CLVS1: variants seen among roughly 807,000 people sequenced by gnomAD.
The protein encoded by CLVS1 is clavesin-1.
A neutral mutation model predicts 33.1 loss-of-function variants in CLVS1; 10 were observed. That is an observed-to-expected ratio of 0.30 (90% confidence interval 0.19 to 0.51). The LOEUF is 0.51. CLVS1 is among the 20% of genes least tolerant of loss of function. CLVS1 has a pLI of 0.97. For synonymous variants in CLVS1, 163 were observed against 166.1 expected (o/e 0.98, Z 0.14); for missense variants, 343 against 433.4 (o/e 0.79, Z 1.85).
the CLVS1 span, among the ~76,000 whole-genome samples, chr8:61,044,549 C>T: frequency 2.6e-5 from 4 of 152,166 alleles, no homozygotes; most frequent in South Asian, 4.1e-4. Flanking sequence ...GCACTGATGT[C>T]TTTCCCTCAT....
chr8:61,396,695 T>C (rs1190306739), intron 3 of CLVS1, among the ~76,000 whole-genome samples: 2 of 152,172 alleles, frequency 1.3e-5, no homozygotes, highest in African/African-American at 4.8e-5. Flanking sequence ...CGTTTATTAC[T>C]CTCTGCTTTT....
chr8:61,306,547 C>T (rs746013375), intron 2 of CLVS1, among the ~76,000 whole-genome samples: 3 of 152,186 alleles, frequency 2.0e-5, no homozygotes, highest in Non-Finnish European at 2.9e-5. Context: ...ACCCATTCAT[C>T]TGATGATGAG....
chr8:61,132,648 A>G (rs935907107), intron 2 of CLVS1, among the ~76,000 whole-genome samples: 1 of 152,192 alleles, frequency 6.6e-6, no homozygotes, highest in Admixed American at 6.5e-5. Context: ...GGGTTTTACT[A>G]GAGAACAGCC....
At chr8:61,276,482 CTT>C (rs1475156982) in intron 2 of CLVS1, among the ~76,000 whole-genome samples, 2 of 152,184 alleles carry the variant, frequency 1.3e-5, no homozygotes, top group African/African-American at 2.4e-5. Flanking sequence ...GCAACATTCT[CTT>C]GTTTGTTTTT....
chr8:61,365,006 T>C (rs1207984582), intron 2 of CLVS1, among the ~76,000 whole-genome samples: 4 of 152,204 alleles, frequency 2.6e-5, no homozygotes, highest in Non-Finnish European at 5.9e-5. Flanking sequence ...TACCTCTTGA[T>C]TGCAAGAGTG....
At chr8:61,074,509 A>G (rs1395272882) in intron 1 of CLVS1, among the ~76,000 whole-genome samples, 1 of 144,060 alleles carries the variant, frequency 6.9e-6, no homozygotes, top group African/African-American at 2.6e-5. Context: ...ATGTGTATAT[A>G]TATGTATATA....
intron 5 of CLVS1, among the ~76,000 whole-genome samples, chr8:61,486,312 T>C (rs1803881862): frequency 6.6e-6 from 1 of 152,118 alleles, no homozygotes; most frequent in African/African-American, 2.4e-5. Flanking sequence ...CGGATTCTAT[T>C]AATGAAGAAT....
intron 5 of CLVS1, among the ~76,000 whole-genome samples, chr8:61,478,781 T>G (rs1175927807): frequency 6.6e-6 from 1 of 152,218 alleles, no homozygotes; most frequent in Non-Finnish European, 1.5e-5. Flanking sequence ...AATTTGCCAG[T>G]CTGTGTCTTT....
At chr8:61,146,825 T>C (rs1457848152) in intron 2 of CLVS1, among the ~76,000 whole-genome samples, 1 of 152,178 alleles carries the variant, frequency 6.6e-6, no homozygotes, top group Non-Finnish European at 1.5e-5. Flanking sequence ...CATACACATG[T>C]AAATAAATGT....
the CLVS1 span, among the ~76,000 whole-genome samples, chr8:61,022,591 G>A: frequency 6.6e-6 from 1 of 152,144 alleles, no homozygotes; most frequent in East Asian, 1.9e-4. Flanking sequence ...TGCTACTCTT[G>A]TTGCTTTTTG....
chr8:61,180,876 A>G (rs1298829842), intron 2 of CLVS1, among the ~76,000 whole-genome samples: 1 of 152,244 alleles, frequency 6.6e-6, no homozygotes, highest in African/African-American at 2.4e-5. Context: ...ACCAACAGCC[A>G]ATATCATACT....
the CLVS1 span, among the ~76,000 whole-genome samples, chr8:61,050,467 C>T: frequency 2.0e-5 from 3 of 152,208 alleles, no homozygotes; most frequent in South Asian, 4.1e-4. Context: ...TAAACATCAC[C>T]AATGATTTGA....
At chr8:61,070,492 A>T (rs759346200) in intron 1 of CLVS1, among the ~76,000 whole-genome samples, 1 of 152,146 alleles carries the variant, frequency 6.6e-6, no homozygotes, top group Non-Finnish European at 1.5e-5. Flanking sequence ...AGAATTTCCT[A>T]TTGTTTTCCC....
the CLVS1 span, among the ~76,000 whole-genome samples, chr8:60,995,564 G>A: frequency 6.6e-6 from 1 of 152,184 alleles, no homozygotes; most frequent in Admixed American, 6.5e-5. Context: ...ACTGTTGGTG[G>A]GACTGTCAAC....
the CLVS1 span, among the ~76,000 whole-genome samples, chr8:60,985,147 C>T: frequency 6.6e-6 from 1 of 152,210 alleles, no homozygotes; most frequent in African/African-American, 2.4e-5. Context: ...CAATTAACTA[C>T]ACACTGTGCA....
chr8:61,425,659 T>C (rs1477155477), intron 3 of CLVS1, among the ~76,000 whole-genome samples: 1 of 152,210 alleles, frequency 6.6e-6, no homozygotes, highest in Non-Finnish European at 1.5e-5. Flanking sequence ...GGGAAAATTA[T>C]CTTAAAGGCT....
intron 2 of CLVS1, among the ~76,000 whole-genome samples, chr8:61,354,615 G>A (rs1464165876): frequency 1.3e-5 from 2 of 151,882 alleles, no homozygotes; most frequent in African/African-American, 2.4e-5. Context: ...TAAAAAAACT[G>A]GTACATCCAT....
intron 5 of CLVS1, among the ~76,000 whole-genome samples, chr8:61,483,288 T>C (rs202043248): frequency 1.3e-5 from 2 of 152,030 alleles, no homozygotes; most frequent in Non-Finnish European, 2.9e-5. Flanking sequence ...GAAATACAAA[T>C]TACCATCAGA....
the CLVS1 span, among the ~76,000 whole-genome samples, chr8:61,047,919 A>G: frequency 0.45 from 68,523 of 151,790 alleles, 16,089 homozygotes; most frequent in African/African-American, 0.59. Flanking sequence ...TTGTGCACAT[A>G]TACCCTAAAA....
Sources: allele counts gnomAD v4.1 joint callset (sites outside exome capture counted in the v4.1 genomes callset), GRCh38; gene constraint gnomAD v4.1.1; transcripts MANE v1.5; gene names NCBI Gene and HGNC (gene_info 2026-07-23, HGNC 2026-07-21).